PTPRD: variants seen among roughly 807,000 people sequenced by gnomAD.
PTPRD encodes protein tyrosine phosphatase receptor type D.
A neutral mutation model predicts 214.5 loss-of-function variants in PTPRD; 34 were observed. The observed-to-expected ratio is 0.16, with a 90% CI of 0.12 to 0.21. PTPRD has a LOEUF of 0.21. Ranked by LOEUF, PTPRD falls within the 10% of genes least tolerant of loss-of-function variation. The probability of loss-of-function intolerance (pLI) is 1.00; values close to 1 mark genes in which losing one functional copy is unlikely to be tolerated. For synonymous variants in PTPRD, 1,128 were observed against 845.7 expected (o/e 1.33, Z -5.79); for missense variants, 2,545 against 2,398.7 (o/e 1.06, Z -1.27).
At chr9:10,529,354 T>C (rs1201230711) in intron 2 of PTPRD, among the ~76,000 whole-genome samples, 1 of 152,164 alleles carries the variant, frequency 6.6e-6, no homozygotes, top group African/African-American at 2.4e-5. Flanking sequence ...ATAAACAATA[T>C]GTGGCACATA....
intron 3 of PTPRD, among the ~76,000 whole-genome samples, chr9:10,240,557 A>T (rs2099644056): frequency 6.6e-6 from 1 of 152,004 alleles, no homozygotes; most frequent in Non-Finnish European, 1.5e-5. Context: ...TAAACCACAG[A>T]CCTATATCAC....
chr9:10,255,028 C>T (rs2093133738), intron 3 of PTPRD, among the ~76,000 whole-genome samples: 1 of 152,130 alleles, frequency 6.6e-6, no homozygotes. Context: ...GAAAACATGG[C>T]TTTGTAGATA....
intron 9 of PTPRD, among the ~76,000 whole-genome samples, chr9:9,326,885 C>T (rs2040180076): frequency 6.6e-6 from 1 of 152,088 alleles, no homozygotes; most frequent in African/African-American, 2.4e-5. Flanking sequence ...ACATGAGCAG[C>T]CCACTTCTCT....
chr9:8,736,555 G>C (rs1214511307), intron 11 of PTPRD, among the ~76,000 whole-genome samples: 2 of 152,156 alleles, frequency 1.3e-5, no homozygotes, highest in Admixed American at 1.3e-4. Flanking sequence ...ACCATAGTAT[G>C]TCATTTCTGA....
At chr9:10,552,972 G>A (rs1279312580) in intron 2 of PTPRD, among the ~76,000 whole-genome samples, 1 of 152,156 alleles carries the variant, frequency 6.6e-6, no homozygotes, top group Non-Finnish European at 1.5e-5. Flanking sequence ...AGTTTATGAT[G>A]ACTATTTGTC....
intron 9 of PTPRD, among the ~76,000 whole-genome samples, chr9:9,390,337 A>T (rs2065366925): frequency 6.6e-6 from 1 of 152,156 alleles, no homozygotes; most frequent in Non-Finnish European, 1.5e-5. Flanking sequence ...TATGTGAATT[A>T]GAATACAGAA....
intron 3 of PTPRD, among the ~76,000 whole-genome samples, chr9:10,202,392 T>C (rs930802189): frequency 3.7e-4 from 56 of 151,764 alleles, no homozygotes; most frequent in African/African-American, 1.2e-3. Flanking sequence ...GGGAATTGCA[T>C]CGAGATAACC....
intron 10 of PTPRD, among the ~76,000 whole-genome samples, chr9:9,120,692 G>A (rs1486434247): frequency 2.6e-5 from 4 of 152,174 alleles, no homozygotes; most frequent in Non-Finnish European, 5.9e-5. Context: ...GTCTGACTGA[G>A]TAGATTTGAA....
At chr9:8,928,569 T>C (rs1237480788) in intron 11 of PTPRD, among the ~76,000 whole-genome samples, 2 of 116,922 alleles carry the variant, frequency 1.7e-5, no homozygotes, top group Non-Finnish European at 3.5e-5. Context: ...TATATCTCTG[T>C]TTTGGTACCA....
chr9:9,508,665 TTGAGCCTCAAAAGGTATTATA>T (rs1443806677), intron 8 of PTPRD, among the ~76,000 whole-genome samples: 32 of 151,756 alleles, frequency 2.1e-4, no homozygotes, highest in Admixed American at 1.5e-3. Context: ...TCAGTCTTCT[TTGAGCCTCAAAAGGTATTATA>T]TGTTCTCATT....
At chr9:9,787,177 A>G (rs1484636277) in intron 5 of PTPRD, among the ~76,000 whole-genome samples, 1 of 151,834 alleles carries the variant, frequency 6.6e-6, no homozygotes, top group African/African-American at 2.4e-5. Flanking sequence ...TTTAAAAATC[A>G]ATTTTATTTC....
chr9:8,782,519 C>G (rs1216776138), intron 11 of PTPRD, among the ~76,000 whole-genome samples: 2 of 151,970 alleles, frequency 1.3e-5, no homozygotes, highest in Non-Finnish European at 2.9e-5. Flanking sequence ...GCCAAACACC[C>G]TTTTCAAGGT....
chr9:9,742,255 G>C (rs1209769470), intron 6 of PTPRD, among the ~76,000 whole-genome samples: 1 of 152,100 alleles, frequency 6.6e-6, no homozygotes, highest in East Asian at 1.9e-4. Context: ...AGAAACTTAA[G>C]GAAGAGACGT....
chr9:9,643,222 G>A (rs2096027955), intron 7 of PTPRD, among the ~76,000 whole-genome samples: 2 of 152,116 alleles, frequency 1.3e-5, no homozygotes, highest in Admixed American at 1.3e-4. Context: ...ACAGAAGTCT[G>A]GAGATTTTTA....
intron 12 of PTPRD, among the ~76,000 whole-genome samples, chr9:8,653,689 G>A (rs1280219135): frequency 6.6e-6 from 1 of 152,028 alleles, no homozygotes; most frequent in Non-Finnish European, 1.5e-5. Flanking sequence ...CCAGCAATCA[G>A]CACTGCACTG....
intron 2 of PTPRD, among the ~76,000 whole-genome samples, chr9:10,439,743 C>T (rs2098746884): frequency 6.6e-6 from 1 of 151,778 alleles, no homozygotes; most frequent in Admixed American, 6.6e-5. Flanking sequence ...TTTCACAGCC[C>T]TCTCCCTCTC....
intron 14 of PTPRD, among the ~76,000 whole-genome samples, chr9:8,535,094 C>A (rs1312041320): frequency 1.3e-5 from 2 of 151,768 alleles, no homozygotes; most frequent in Non-Finnish European, 2.9e-5. Context: ...GTACCAAGCA[C>A]ATACACAGGA....
At chr9:9,494,510 G>T (rs990190386) in intron 8 of PTPRD, among the ~76,000 whole-genome samples, 1 of 152,094 alleles carries the variant, frequency 6.6e-6, no homozygotes, top group Non-Finnish European at 1.5e-5. Flanking sequence ...AGCCTCCACC[G>T]GCAAAATGAT....
chr9:8,889,958 T>C (rs1372888072), intron 11 of PTPRD, among the ~76,000 whole-genome samples: 1 of 152,218 alleles, frequency 6.6e-6, no homozygotes, highest in Non-Finnish European at 1.5e-5. Context: ...TGACTCCTTT[T>C]CCTCTGGGTA....
Sources: allele counts gnomAD v4.1 joint callset (sites outside exome capture counted in the v4.1 genomes callset), GRCh38; gene constraint gnomAD v4.1.1; transcripts MANE v1.5; gene names NCBI Gene and HGNC (gene_info 2026-07-23, HGNC 2026-07-21).